The following TMEM117 variants were observed in gnomAD, a reference collection of about 807,000 sequenced individuals.
The protein encoded by TMEM117 is transmembrane protein 117.
In TMEM117, 27 loss-of-function variants were observed where a neutral mutation model predicts 52.4. The ratio of observed to expected loss-of-function variants is 0.51; its 90% CI spans 0.38 to 0.71. The LOEUF is 0.71. TMEM117 is among the 30% of genes least tolerant of loss of function. The pLI, the probability that TMEM117 is intolerant of heterozygous loss-of-function variation, is 0.00. For synonymous variants in TMEM117, 215 were observed against 206.3 expected, an observed-to-expected ratio of 1.04 and a Z score of -0.36; for missense variants, 556 against 630.5, an observed-to-expected ratio of 0.88 and a Z score of 1.26.
chr12:44,098,134 CAT>C (rs1378014243), intron 3 of TMEM117, among the ~76,000 whole-genome samples: 1 of 151,968 alleles, frequency 6.6e-6, no homozygotes, highest in African/African-American at 2.4e-5. Flanking sequence ...GCATTGCAAA[CAT>C]AGAAAAAGGT....
At position 43,925,247 on chromosome 12, in the gene TMEM117, G is replaced by A. The variant is rs527711521; in HGVS notation, c.278-18963G>A. Among the ~76,000 whole-genome samples the A allele has an allele frequency of 1.9e-4, 29 of 152,010 alleles. No homozygotes were observed. The South Asian group carries it at 6.0e-3, about 32-fold the overall frequency. ...TGTGTGTGGGGGTGTCTAGCCAGAG[G>A]TGAGACTCATTGAGGGCCATCTTGT... On this transcript the variant is annotated intron_variant, in intron 2 of 7. Coordinates refer to ENST00000266534, the MANE Select transcript of TMEM117 (RefSeq NM_032256.3).
chr12:44,134,104 C>G (rs933594912), intron 3 of TMEM117, among the ~76,000 whole-genome samples: 2 of 152,180 alleles, frequency 1.3e-5, no homozygotes, highest in African/African-American at 4.8e-5. Flanking sequence ...TCAAATCTAG[C>G]TTTTCATCTA....
At chr12:44,380,416 G>A (rs1447629904) in intron 7 of TMEM117, among the ~76,000 whole-genome samples, 1 of 152,168 alleles carries the variant, frequency 6.6e-6, no homozygotes, top group African/African-American at 2.4e-5. Flanking sequence ...GCCTGGACAA[G>A]GACTGTGAAA....
intron 3 of TMEM117, among the ~76,000 whole-genome samples, chr12:44,114,568 CAT>C (rs1228855601): frequency 6.6e-6 from 1 of 152,130 alleles, no homozygotes; most frequent in Non-Finnish European, 1.5e-5. Flanking sequence ...TTTCCACATC[CAT>C]TTCTAGTTTG....
chr12:43,802,460 T>A, the TMEM117 span: 16 of 1,601,522 alleles, frequency 1.0e-5, no homozygotes, highest in Non-Finnish European at 1.3e-5. Context: ...CAATCACAAG[T>A]TGCTCTATGA....
At chr12:43,831,104 T>C (rs573689117), upstream of TMEM117, among the ~76,000 whole-genome samples, 18 of 152,336 alleles carry the variant, frequency 1.2e-4, no homozygotes, top group African/African-American at 2.2e-4. Flanking sequence ...AGTAGAGTCA[T>C]TGCCCTTAGA....
chr12:44,242,446 T>C (rs1950074598), intron 5 of TMEM117, among the ~76,000 whole-genome samples: 1 of 151,776 alleles, frequency 6.6e-6, no homozygotes, highest in African/African-American at 2.4e-5. Context: ...AGCTCCATCG[T>C]CATCCCTGCA....
intron 3 of TMEM117, chr12:44,073,593 A>G (rs1947337180): frequency 2.0e-5 from 3 of 152,264 alleles, no homozygotes; most frequent in African/African-American, 7.2e-5. Context: ...TTGAAAGTCA[A>G]CGTGGCAAGT....
intron 6 of TMEM117, among the ~76,000 whole-genome samples, chr12:44,355,280 A>T (rs1017666652): frequency 5.9e-5 from 9 of 152,026 alleles, no homozygotes; most frequent in Non-Finnish European, 1.3e-4. Flanking sequence ...TAATAATGGG[A>T]TAGTGTTTTG....
At chr12:44,329,496 G>A (rs778386358) in intron 6 of TMEM117, among the ~76,000 whole-genome samples, 3 of 152,056 alleles carry the variant, frequency 2.0e-5, no homozygotes, top group Non-Finnish European at 2.9e-5. Flanking sequence ...TCTTCCTGTT[G>A]TGATAGTGTT....
At chr12:44,011,659 T>TATACATACATAC (rs113611924) in intron 3 of TMEM117, among the ~76,000 whole-genome samples, 17,899 of 151,598 alleles carry the variant, frequency 0.12, 1,474 homozygotes, top group African/African-American at 0.25. Context: ...TATTCCTTAC[T>TATACATACATAC]ATACATACAT....
chr12:44,079,840 A>G (rs1335445487), intron 3 of TMEM117, among the ~76,000 whole-genome samples: 1 of 151,770 alleles, frequency 6.6e-6, no homozygotes, highest in Non-Finnish European at 1.5e-5. Flanking sequence ...ACGTGGTGAA[A>G]CCTCATCTCT....
chr12:44,202,768 T>C (rs7305296), intron 4 of TMEM117, among the ~76,000 whole-genome samples: 11,053 of 151,456 alleles, frequency 0.073, 570 homozygotes, highest in Middle Eastern at 0.16. Flanking sequence ...ATCCATCTGG[T>C]CCAGGACTCC....
intron 5 of TMEM117, among the ~76,000 whole-genome samples, chr12:44,243,131 G>T (rs1015661866): frequency 7.2e-5 from 11 of 151,858 alleles, no homozygotes; most frequent in African/African-American, 2.4e-4. Flanking sequence ...ATTTGTTTAA[G>T]TTCCTTATAG....
chr12:44,159,955 A>G (rs1452683988), intron 4 of TMEM117, among the ~76,000 whole-genome samples: 2 of 152,168 alleles, frequency 1.3e-5, no homozygotes, highest in African/African-American at 4.8e-5. Flanking sequence ...GATAATGCTC[A>G]TCTCCACCCA....
chr12:44,351,604 T>C (rs891283577), intron 6 of TMEM117, among the ~76,000 whole-genome samples: 1 of 152,044 alleles, frequency 6.6e-6, no homozygotes. Context: ...GCACCATTTA[T>C]TGAATAGACT....
chr12:43,891,091 T>C (rs984100807), intron 2 of TMEM117, among the ~76,000 whole-genome samples: 2 of 152,188 alleles, frequency 1.3e-5, no homozygotes, highest in African/African-American at 4.8e-5. Context: ...CTGACAGATA[T>C]GATACAATCA....
intron 2 of TMEM117, among the ~76,000 whole-genome samples, chr12:43,907,617 A>T (rs1459732073): frequency 6.8e-6 from 1 of 148,082 alleles, no homozygotes; most frequent in Non-Finnish European, 1.5e-5. Flanking sequence ...AGAAGAATGT[A>T]TAACTAGAAT....
At chr12:44,378,653 C>G (rs938252449) in intron 7 of TMEM117, among the ~76,000 whole-genome samples, 1 of 152,132 alleles carries the variant, frequency 6.6e-6, no homozygotes, top group South Asian at 2.1e-4. Context: ...ACATATTAAT[C>G]TGGTTTGCCC....
Sources: allele counts gnomAD v4.1 joint callset (sites outside exome capture counted in the v4.1 genomes callset), GRCh38; gene constraint gnomAD v4.1.1; transcripts MANE v1.5; gene names NCBI Gene and HGNC (gene_info 2026-07-23, HGNC 2026-07-21).